Variants in BMPR1B observed in about 807,000 individuals in gnomAD.
BMPR1B encodes bone morphogenetic protein receptor type 1B.
Under a neutral mutation model 59.1 loss-of-function variants are expected in BMPR1B, and 12 were observed. That is an observed-to-expected ratio of 0.20 (90% confidence interval 0.13 to 0.33). The LOEUF (loss-of-function observed/expected upper bound fraction) is 0.33. Ranked by LOEUF, BMPR1B falls within the 10% of genes least tolerant of loss-of-function variation. BMPR1B has a pLI of 1.00. For missense variants in BMPR1B, 550 were observed against 610.9 expected (o/e 0.90, Z 1.05); for synonymous variants, 237 against 207.3 (o/e 1.14, Z -1.23).
rs1362465613 is a variant in BMPR1B, at chr4:95,157,371, C to T, written c.*2698C>T. On this transcript the variant is annotated 3_prime_UTR_variant, in exon 13 of 13. Coordinates refer to ENST00000515059, the MANE Select transcript of BMPR1B (RefSeq NM_001203.3). ...AATTGTTCTTAAAGACTACTCATTT[C>T]CCAATAATCCTTTATGATTTCAAAA... is the stretch of plus-strand genomic sequence containing the variant. The T allele has an allele frequency of 1.3e-5, 2 of 152,090 alleles. No individual in the cohort carries two copies. Among genetic ancestry groups the T allele is most frequent in the East Asian group, 3.9e-4 (2 of 5,168 alleles). The allele number at this position is 152,090 out of a possible 1,614,324, so 9.4% of individuals were successfully genotyped here.
chr4:94,867,286 A>G (rs1404649687), intron 1 of BMPR1B, among the ~76,000 whole-genome samples: 1 of 152,138 alleles, frequency 6.6e-6, no homozygotes, highest in Non-Finnish European at 1.5e-5. Flanking sequence ...AGGGGTCAAC[A>G]TGTTTGTGTG....
intron 2 of BMPR1B, among the ~76,000 whole-genome samples, chr4:94,930,076 T>G (rs928054592): frequency 1.3e-5 from 2 of 152,240 alleles, no homozygotes; most frequent in South Asian, 2.1e-4. Flanking sequence ...TAAGACTGTT[T>G]AGGATTACAT....
At chr4:94,840,470 C>CT (rs1467384410) in intron 1 of BMPR1B, among the ~76,000 whole-genome samples, 2 of 146,798 alleles carry the variant, frequency 1.4e-5, no homozygotes, top group Non-Finnish European at 3.0e-5. Context: ...TCTTTTTATT[C>CT]TTTTTTTCTC....
chr4:95,101,113 A>G (rs1433828694), intron 3 of BMPR1B, among the ~76,000 whole-genome samples: 1 of 152,146 alleles, frequency 6.6e-6, no homozygotes, highest in Non-Finnish European at 1.5e-5. Context: ...AGAAACTCAC[A>G]AGATTACTAT....
At chr4:95,144,877 T>G (rs1291330545) in intron 10 of BMPR1B, among the ~76,000 whole-genome samples, 1 of 152,194 alleles carries the variant, frequency 6.6e-6, no homozygotes, top group Non-Finnish European at 1.5e-5. Flanking sequence ...CAGCTCATTT[T>G]CTCTGTAATT....
intron 1 of BMPR1B, among the ~76,000 whole-genome samples, chr4:94,829,598 C>A (rs1724502756): frequency 6.6e-6 from 1 of 152,118 alleles, no homozygotes; most frequent in African/African-American, 2.4e-5. Flanking sequence ...TTAGTAGGGG[C>A]TTCATGGGCA....
rs574391648 is a variant in BMPR1B at position 94,914,092 on chromosome 4, A to G, written c.-113+38192A>G. ...CTATAGAGGTTTATTTCACTAATAC[A>G]GGCAGGTCATTAAAAGCTTAAGTTT... On this transcript the variant is annotated intron_variant, in intron 2 of 12. Transcript: ENST00000515059. Among the ~76,000 whole-genome samples, 8 of 152,270 alleles carry G rather than the reference A, an allele frequency of 5.3e-5. No homozygotes were observed. The East Asian group carries it at 1.5e-3, about 29-fold the overall frequency.
chr4:94,929,141 C>G lies in BMPR1B; in HGVS notation c.-113+53241C>G, dbSNP rs371023403. 1.8e-4 allele frequency among the ~76,000 whole-genome samples: 27 copies of G among 152,188 alleles called. No homozygotes were observed. The South Asian group carries it at 4.4e-3, about 25-fold the overall frequency. On this transcript the variant is annotated intron_variant, in intron 2 of 12. Transcript: ENST00000515059. ...TTAAGAGATTCCTAAATGCTTTAAT[C>G]CAGTAAGTGTCCCACAGCACTTCTC...
intron 3 of BMPR1B, among the ~76,000 whole-genome samples, chr4:95,030,860 G>A (rs969816835): frequency 5.3e-5 from 8 of 152,140 alleles, no homozygotes; most frequent in African/African-American, 1.2e-4. Context: ...ACTGCTCAAC[G>A]AAATAAAAGA....
intron 3 of BMPR1B, among the ~76,000 whole-genome samples, chr4:95,040,868 A>T (rs189374721): frequency 1.3e-5 from 2 of 152,282 alleles, no homozygotes; most frequent in Non-Finnish European, 2.9e-5. Flanking sequence ...TGAGTGAAGG[A>T]CTACATTACG....
intron 3 of BMPR1B, chr4:95,051,594 GAGA>G (rs1248913246): frequency 1.7e-5 from 18 of 1,069,892 alleles, no homozygotes; most frequent in Non-Finnish European, 2.4e-5. Context: ...GCAGGCTTGC[GAGA>G]AGATCTGACA....
intron 1 of BMPR1B, among the ~76,000 whole-genome samples, chr4:94,814,956 T>C (rs1723953822): frequency 6.6e-6 from 1 of 152,030 alleles, no homozygotes; most frequent in South Asian, 2.1e-4. Context: ...TAGGCTGGAG[T>C]GCAATGGCGC....
chr4:94,907,545 C>G (rs766022313), intron 2 of BMPR1B, among the ~76,000 whole-genome samples: 26 of 151,952 alleles, frequency 1.7e-4, no homozygotes, highest in Non-Finnish European at 2.8e-4. Context: ...CCCCTTTTGC[C>G]TCAGTAACTC....
intron 10 of BMPR1B, among the ~76,000 whole-genome samples, chr4:95,133,796 C>T (rs1733557516): frequency 6.6e-6 from 1 of 151,614 alleles, no homozygotes; most frequent in African/African-American, 2.4e-5. Flanking sequence ...CCTCAAACTC[C>T]TGGACTCAAG....
At chr4:94,990,401 A>G (rs1721659488) in intron 2 of BMPR1B, among the ~76,000 whole-genome samples, 1 of 152,214 alleles carries the variant, frequency 6.6e-6, no homozygotes, top group Non-Finnish European at 1.5e-5. Flanking sequence ...AAACTTGTTT[A>G]TAGCAGCATT....
At chr4:94,841,021 C>T (rs188557889) in intron 1 of BMPR1B, among the ~76,000 whole-genome samples, 1,787 of 147,164 alleles carry the variant, frequency 0.012, 179 homozygotes, top group Non-Finnish European at 0.019. Context: ...AGTACCCTGC[C>T]GTGTGAGGTG....
At chr4:95,051,035 A>G (rs1016161996) in intron 3 of BMPR1B, among the ~76,000 whole-genome samples, 8 of 152,236 alleles carry the variant, frequency 5.3e-5, no homozygotes, top group Non-Finnish European at 1.0e-4. Flanking sequence ...AACTATAGTC[A>G]TAACTGAAGT....
intron 3 of BMPR1B, among the ~76,000 whole-genome samples, chr4:95,057,459 T>C (rs140981180): frequency 1.4e-3 from 211 of 152,094 alleles, no homozygotes; most frequent in African/African-American, 4.9e-3. Flanking sequence ...GTTGGCCAGG[T>C]TGGTCTCAAT....
chr4:95,104,203 T>C (rs1731025388), intron 3 of BMPR1B, among the ~76,000 whole-genome samples: 1 of 152,128 alleles, frequency 6.6e-6, no homozygotes, highest in Non-Finnish European at 1.5e-5. Context: ...CTGAAAGGAT[T>C]ATGGGTCTTT....
Sources: allele counts gnomAD v4.1 joint callset (sites outside exome capture counted in the v4.1 genomes callset), GRCh38; gene constraint gnomAD v4.1.1; transcripts MANE v1.5; gene names NCBI Gene and HGNC (gene_info 2026-07-23, HGNC 2026-07-21).